PARVB: variants seen among roughly 807,000 people sequenced by gnomAD.
PARVB encodes parvin beta.
Under a neutral mutation model 47.0 loss-of-function variants are expected in PARVB, and 46 were observed. That is an observed-to-expected ratio of 0.98 (90% CI 0.77 to 1.25). The LOEUF (loss-of-function observed/expected upper bound fraction) is 1.25. Among genes scored for constraint, PARVB ranks in the 50% most tolerant of loss-of-function variants. PARVB has a pLI of 0.00. For synonymous variants in PARVB, 196 were observed against 196.3 expected, an observed-to-expected ratio of 1.00 and a Z score of 0.01; for missense variants, 473 against 471.6, an observed-to-expected ratio of 1.00 and a Z score of -0.03.
intron 1 of PARVB, among the ~76,000 whole-genome samples, chr22:44,066,119 G>C (rs951800706): frequency 6.6e-6 from 1 of 152,176 alleles, no homozygotes; most frequent in Non-Finnish European, 1.5e-5. Flanking sequence ...TCTATTGAGC[G>C]CCTACTGTGT....
Position 44,069,258 on chromosome 22 carries a change from A to G in PARVB, c.113-24670A>G, listed in dbSNP as rs2051600371. 3 of 1,131,782 alleles carry G rather than the reference A, an allele frequency of 2.7e-6. No individual in the cohort carries two copies. In the East Asian group the frequency reaches 7.0e-5, roughly 27 times the overall value. 70.1% of individuals were successfully genotyped at this position (1,131,782 alleles called of 1,614,324 possible). Reference sequence around the variant, plus strand: ...CTTTATGGCAGAATTTTGTTTTGCAAGAATGGACCCTGGGTGGCTGCTTGA... The same window carrying G: ...CTTTATGGCAGAATTTTGTTTTGCAGGAATGGACCCTGGGTGGCTGCTTGA... On this transcript the variant is annotated intron_variant, in intron 1 of 12. Transcript: ENST00000338758.
At chr22:44,151,766 T>C (rs1601688803) in intron 10 of PARVB, 1 of 532,248 alleles carries the variant, frequency 1.9e-6, no homozygotes. Context: ...ACCTAGTGGC[T>C]GAAACAACAG....
At chr22:44,118,992 C>G in intron 3 of PARVB, 46 bp from the exon 4 acceptor site, 2 of 1,322,196 alleles carry the variant, frequency 1.5e-6, no homozygotes, top group Non-Finnish European at 2.2e-6. Flanking sequence ...TGCCTCATTG[C>G]CGTGGCGCTG....
intron 4 of PARVB, among the ~76,000 whole-genome samples, chr22:44,122,502 GAGAGAGAGAGAGAGAGACAGAGAGAC>G (rs1569134129): frequency 5.6e-4 from 51 of 90,656 alleles, no homozygotes; most frequent in Middle Eastern, 6.4e-3. Context: ...GAGAGAGAGA[GAGAGAGAGAGAGAGAGACAGAGAGAC>G]AGAGAGAGAG....
At chr22:44,099,825 G>A (rs1046911201) in intron 2 of PARVB, among the ~76,000 whole-genome samples, 7 of 152,164 alleles carry the variant, frequency 4.6e-5, no homozygotes, top group Admixed American at 4.6e-4. Context: ...AGTCTGGGAG[G>A]AGCGAGGCCG....
At chr22:44,075,888 G>A (rs1481448963) in intron 1 of PARVB, among the ~76,000 whole-genome samples, 1 of 152,250 alleles carries the variant, frequency 6.6e-6, no homozygotes, top group East Asian at 1.9e-4. Flanking sequence ...CCCAGGTGCT[G>A]TGGAGTTGGG....
intron 1 of PARVB, among the ~76,000 whole-genome samples, chr22:44,048,324 C>CATAT (rs1195591747): frequency 1.3e-5 from 2 of 152,108 alleles, no homozygotes; most frequent in Admixed American, 1.3e-4. Flanking sequence ...GCACTCATGA[C>CATAT]CATGTGGACA....
chr22:44,064,500 G>T (rs2051481733), intron 1 of PARVB, among the ~76,000 whole-genome samples: 1 of 152,152 alleles, frequency 6.6e-6, no homozygotes, highest in Non-Finnish European at 1.5e-5. Context: ...CCTTGAAGAA[G>T]GGGCAGTTCT....
rs1397579234 is a variant in PARVB, at chr22:43,999,402, AC to A, written c.63del (p.Asn21LysfsTer9). Reference sequence around the variant, plus strand: ...AAAAGGGGATTCCTTAGTCCAGAGAACAAAAACTGGTGAGCTGTGATTTAAA... The same window carrying A: ...AAAAGGGGATTCCTTAGTCCAGAGAAAAAAACTGGTGAGCTGTGATTTAAA... On this transcript the variant is annotated frameshift_variant, in exon 1 of 14. Coordinates refer to the PARVB transcript ENST00000406477. LOFTEE classifies it high-confidence loss of function. The A allele has an allele frequency of 2.5e-6, 4 of 1,610,042 alleles. No homozygotes were observed. In the African/African-American group the frequency reaches 5.3e-5, roughly 21 times the overall value.
At chr22:44,112,169 T>C (rs1365565959) in intron 3 of PARVB, 1 of 152,048 alleles carries the variant, frequency 6.6e-6, no homozygotes, top group African/African-American at 2.4e-5. Flanking sequence ...ACCAAACCCA[T>C]AAAATCTCAC....
intron 1 of PARVB, among the ~76,000 whole-genome samples, chr22:44,027,064 G>A (rs998064492): frequency 6.6e-6 from 1 of 152,078 alleles, no homozygotes; most frequent in African/African-American, 2.4e-5. Context: ...GCTACGGGAG[G>A]CGTGTCACGT....
At chr22:44,070,660 C>G (rs2051633945) in intron 1 of PARVB, among the ~76,000 whole-genome samples, 1 of 152,180 alleles carries the variant, frequency 6.6e-6, no homozygotes. Flanking sequence ...CATCTCTTAG[C>G]TCACATTATA....
chr22:44,083,292 T>G (rs2051949428), intron 1 of PARVB, among the ~76,000 whole-genome samples: 1 of 152,212 alleles, frequency 6.6e-6, no homozygotes, highest in Non-Finnish European at 1.5e-5. Flanking sequence ...AAGCTTAGCA[T>G]TTGTGTTCAT....
chr22:44,034,535 A>C (rs2050885333), intron 1 of PARVB, among the ~76,000 whole-genome samples: 2 of 151,982 alleles, frequency 1.3e-5, no homozygotes, highest in South Asian at 4.1e-4. Flanking sequence ...CTGAAACAAT[A>C]GGTGCACACC....
chr22:44,016,074 T>C (rs1010966666), intron 2 of PARVB, among the ~76,000 whole-genome samples: 1 of 149,356 alleles, frequency 6.7e-6, no homozygotes, highest in African/African-American at 2.5e-5. Context: ...CTCTTCTCTG[T>C]CTTTTTCTTT....
chr22:44,044,761 C>T (rs758884362), intron 1 of PARVB, among the ~76,000 whole-genome samples: 3 of 152,234 alleles, frequency 2.0e-5, no homozygotes, highest in Non-Finnish European at 2.9e-5. Context: ...GCTGGGATTA[C>T]AGGCATGAGC....
At chr22:44,025,427 C>G (rs901543889) in intron 1 of PARVB, among the ~76,000 whole-genome samples, 6 of 152,112 alleles carry the variant, frequency 3.9e-5, no homozygotes, top group African/African-American at 1.2e-4. Context: ...AGACATATGA[C>G]AGATTTGCCT....
chr22:44,007,364 G>A (rs2050476821), intron 2 of PARVB, among the ~76,000 whole-genome samples: 1 of 152,186 alleles, frequency 6.6e-6, no homozygotes, highest in South Asian at 2.1e-4. Flanking sequence ...ATCAGGCTCT[G>A]CACTCCCACG....
rs1055991621 is a variant in PARVB, at chr22:44,052,942, C to CA, written c.112+28497dup. Among the ~76,000 whole-genome samples, 5 of 151,560 alleles carry CA rather than the reference C, an allele frequency of 3.3e-5. No individual in the cohort carries two copies. The South Asian group carries it at 6.2e-4, about 19-fold the overall frequency. ...TGGGAGACAGAGCAAAGCCCTATCT[C>CA]AAAAAACAAAACAAAACAAAACAAA... On this transcript the variant is annotated intron_variant, in intron 1 of 12. Transcript: ENST00000338758.
Sources: allele counts gnomAD v4.1 joint callset (sites outside exome capture counted in the v4.1 genomes callset), GRCh38; gene constraint gnomAD v4.1.1; transcripts MANE v1.5; gene names NCBI Gene and HGNC (gene_info 2026-07-23, HGNC 2026-07-21).